Variants in DHX57 observed in about 807,000 individuals in gnomAD.
The protein encoded by DHX57 is putative ATP-dependent RNA helicase DHX57.
A neutral mutation model predicts 156.2 loss-of-function variants in DHX57; 105 were observed. The observed-to-expected ratio is 0.67, with a 90% CI of 0.57 to 0.79. The LOEUF is 0.79. Among genes scored for constraint, DHX57 ranks in the 30% least tolerant of loss-of-function variants. DHX57 has a pLI of 0.00. For synonymous variants in DHX57, 704 were observed against 595.6 expected (o/e 1.18, Z -2.65); for missense variants, 1,847 against 1,661.9 (o/e 1.11, Z -1.94).
At chr2:38,857,494 AT>A (rs1672961058) in intron 6 of DHX57, among the ~76,000 whole-genome samples, 1 of 152,170 alleles carries the variant, frequency 6.6e-6, no homozygotes, top group African/African-American at 2.4e-5. Context: ...TGAATATCTA[AT>A]TTTTTGTTTC....
In DHX57 at chr2:38,811,636, T is replaced by C. The variant is rs189904692; in HGVS notation, c.3681+2185A>G. The stretch of plus-strand genomic sequence containing the variant: ...AGGCCGGCACTGTAGGCCAGAACCA[T>C]GGAGCCTTTGCTGAACATAGCATCT... On this transcript the variant is annotated intron_variant, in intron 21 of 23. Transcript: ENST00000457308. 7,326 of 1,336,016 alleles carry C rather than the reference T, an allele frequency of 5.5e-3. 238 individuals are homozygous for C. Among genetic ancestry groups the C allele is most frequent in the Non-Finnish European group, 6.8e-3 (6,475 of 949,532 alleles). The allele number at this position is 1,336,016 out of a possible 1,614,324, so 82.8% of individuals were successfully genotyped here. A position where few individuals can be genotyped will look rare whatever the true frequency, so the allele number is the denominator to read the frequency against.
Position 38,862,276 on chromosome 2 carries a change from C to G in DHX57, c.441G>C (p.Arg147=), listed in dbSNP as rs1181542907. The change falls in exon 4 of 24, where the codon CGG becomes CGC. Residue 147 remains arginine, a synonymous_variant. Coordinates refer to ENST00000457308, the MANE Select transcript of DHX57 (RefSeq NM_198963.3). ...AAGGTTCCTGTCCAGCTGGCCAGTA[C>G]CGCTCATCGTTACAGCAATCAGGCT... ...DDEPDCCNDE[R]YWPAGQEPSL... is the part of the protein sequence containing the mutation. The G allele has an allele frequency of 6.2e-7, 1 of 1,612,110 alleles. No individual in the cohort carries two copies. Among genetic ancestry groups the G allele is most frequent in the Admixed American group, 1.7e-5 (1 of 59,970 alleles).
At position 38,848,296 on chromosome 2, in the gene DHX57, T is replaced by C. The variant is rs764615458; in HGVS notation, c.2137A>G (p.Asn713Asp). ...GGTATAGTAATAACGGGGCAGGAAT[T>C]AAAATAGTCTGAAAAAAGCTCAGCG... is the stretch of plus-strand genomic sequence containing the variant. ...LNAELFSDYF[N>D]SCPVITIPGR... The change falls in exon 10 of 24, where the codon AAT becomes GAT. Residue 713 changes from asparagine to aspartate, a missense_variant. Transcript: ENST00000457308. The C allele has an allele frequency of 1.9e-6, 3 of 1,607,780 alleles. No individual in the cohort carries two copies. The highest frequency in any genetic ancestry group is 2.2e-5 in the South Asian group (2 of 89,532).
chr2:38,827,173 T>G lies in DHX57; in HGVS notation c.2640-484A>C, dbSNP rs929478521. On this transcript the variant is annotated intron_variant, in intron 14 of 23. Coordinates refer to ENST00000457308, the MANE Select transcript of DHX57 (RefSeq NM_198963.3). ...TAAAATAAAATAAAAGGTAAAGTCC[T>G]TTCTGATTTTTACAAAATATTTACT... is the stretch of plus-strand genomic sequence containing the variant. Among the ~76,000 whole-genome samples the G allele has an allele frequency of 6.0e-5, 9 of 148,838 alleles. No individual in the cohort carries two copies. In the Admixed American group the frequency reaches 6.1e-4, roughly 10 times the overall value.
At chr2:38,862,741 C>G (rs548880732) in intron 3 of DHX57, 6 of 157,104 alleles carry the variant, frequency 3.8e-5, no homozygotes, top group African/African-American at 1.4e-4. Flanking sequence ...TGGCTATTCT[C>G]TCTCTTCTCA....
intron 13 of DHX57, among the ~76,000 whole-genome samples, chr2:38,832,042 A>T (rs1206944868): frequency 2.6e-5 from 4 of 152,130 alleles, no homozygotes; most frequent in African/African-American, 9.7e-5. Context: ...AAGAAACAAG[A>T]TATACAGTCC....
intron 22 of DHX57, 61 bp from the exon 23 acceptor site, chr2:38,802,976 C>A (rs578111377): frequency 2.5e-6 from 4 of 1,587,214 alleles, no homozygotes; most frequent in Non-Finnish European, 3.5e-6. Flanking sequence ...GGGAACAACC[C>A]CCCAGTCCCA....
chr2:38,843,090 G>A lies in DHX57; in HGVS notation c.2340C>T (p.Ser780=). 1 of 1,614,162 alleles carries A rather than the reference G, an allele frequency of 6.2e-7. No homozygotes were observed. Among genetic ancestry groups the A allele is most frequent in the Non-Finnish European group, 8.5e-7 (1 of 1,180,020 alleles). ...FEEVEEDLRL[S]LHLQDQDSVK... ...CAGAATCCTGATCCTGGAGGTGAAGGGAGAGCCTTAGGTCTTCTTCCACTT... is the reference window on the plus strand; with the variant it reads ...CAGAATCCTGATCCTGGAGGTGAAGAGAGAGCCTTAGGTCTTCTTCCACTT... The change falls in exon 12 of 24, where the codon TCC becomes TCT. Residue 780 remains serine, a synonymous_variant. Transcript: ENST00000457308.
intron 5 of DHX57, among the ~76,000 whole-genome samples, chr2:38,860,224 C>A (rs548872476): frequency 1.3e-5 from 2 of 152,152 alleles, no homozygotes; most frequent in East Asian, 1.9e-4. Flanking sequence ...CCAAGGCAGG[C>A]GGATCACCTG....
chr2:38,859,875 G>A (rs567776195), intron 5 of DHX57, among the ~76,000 whole-genome samples: 1 of 148,040 alleles, frequency 6.8e-6, no homozygotes, highest in Admixed American at 6.8e-5. Flanking sequence ...AGGCCGAAAT[G>A]CAATGACTCA....
At chr2:38,858,147 C>T (rs755120367) in intron 6 of DHX57, among the ~76,000 whole-genome samples, 2 of 152,188 alleles carry the variant, frequency 1.3e-5, no homozygotes, top group South Asian at 2.1e-4. Context: ...CTGGAACCTG[C>T]ACCACCAAAG....
Position 38,802,880 on chromosome 2 carries a change from G to C in DHX57, c.3852C>G (p.His1284Gln). 1.2e-6 allele frequency: 2 copies of C among 1,613,998 alleles called. No homozygotes were observed. The highest frequency in any genetic ancestry group is 2.2e-5 in the South Asian group (2 of 91,064). The stretch of plus-strand genomic sequence containing the variant: ...ATACTCGACTAGTTTTTATCTTCTC[G>C]TGGTACAACAGGTAGGGGCTGTCAA... The part of the protein sequence containing the change: ...RHFDSPYLLY[H>Q]EKIKTSRVFI... The change falls in exon 23 of 24, where the codon CAC becomes CAG. Residue 1284 changes from histidine (H) to glutamine (Q), a missense_variant. His to Gln is a conservative substitution (Grantham distance 24, BLOSUM62 0). Transcript: ENST00000457308.
intron 23 of DHX57, among the ~76,000 whole-genome samples, chr2:38,798,816 C>A (rs754528196): frequency 2.0e-5 from 3 of 152,036 alleles, no homozygotes; most frequent in Non-Finnish European, 2.9e-5. Flanking sequence ...TGGTGGCATG[C>A]GCCTGTAATC....
chr2:38,806,778 G>C, intron 21 of DHX57, 85 bp from the exon 22 acceptor site: 1 of 1,258,292 alleles, frequency 7.9e-7, no homozygotes, highest in East Asian at 2.7e-5. Flanking sequence ...CACAAAACCA[G>C]TCTTGCTCAG....
At chr2:38,860,526 G>C (rs973747086) in intron 5 of DHX57, among the ~76,000 whole-genome samples, 1 of 152,148 alleles carries the variant, frequency 6.6e-6, no homozygotes, top group East Asian at 1.9e-4. Context: ...AAGTATTTGA[G>C]GATTTAGGGA....
intron 9 of DHX57, chr2:38,853,566 C>G (rs1402691004): frequency 1.3e-5 from 2 of 152,238 alleles, no homozygotes; most frequent in Non-Finnish European, 2.9e-5. Flanking sequence ...TTTACTTGTT[C>G]ATTATTTGTT....
At chr2:38,820,000 C>T (rs574027196) in intron 17 of DHX57, among the ~76,000 whole-genome samples, 30 of 152,286 alleles carry the variant, frequency 2.0e-4, no homozygotes, top group South Asian at 6.2e-4. Flanking sequence ...TATTTCTCTA[C>T]CTTCTCAGGC....
intron 17 of DHX57, 145 bp from the exon 18 acceptor site, chr2:38,819,289 C>T (rs1670699249): frequency 2.8e-6 from 2 of 719,732 alleles, no homozygotes; most frequent in South Asian, 1.8e-5. Context: ...ATCCTCCTGC[C>T]TCAGCCTCCC....
In DHX57 at chr2:38,864,230, T is replaced by C. The variant is rs1051981791; in HGVS notation, c.225-711A>G. Among the ~76,000 whole-genome samples the C allele has an allele frequency of 5.7e-5, 8 of 141,160 alleles. 1 individual carries two copies. Among genetic ancestry groups the C allele is most frequent in the African/African-American group, 2.0e-4 (8 of 39,308 alleles). The allele number at this position is 141,160 out of a possible 152,430, so 92.6% of individuals were successfully genotyped here. A position where few individuals can be genotyped will look rare whatever the true frequency, so the allele number is the denominator to read the frequency against. On this transcript the variant is annotated intron_variant, in intron 2 of 23. Coordinates refer to ENST00000457308, the MANE Select transcript of DHX57 (RefSeq NM_198963.3). The stretch of plus-strand genomic sequence containing the variant: ...CCCATTTCTAAAATACCCAATTATC[T>C]TTATTTCTGATTATTAAAAAAAAAA...
Sources: gnomAD v4.1 joint callset for allele counts (sites outside exome capture counted in the v4.1 genomes callset) on GRCh38, gnomAD v4.1.1 for gene constraint, MANE v1.5 for transcripts, NCBI Gene and HGNC (gene_info 2026-07-23, HGNC 2026-07-21) for gene names.